The following UNC5B variants were observed in gnomAD, a reference collection of about 807,000 sequenced individuals.
The protein encoded by UNC5B is netrin receptor UNC5B.
Under a neutral mutation model 103.7 loss-of-function variants are expected in UNC5B, and 56 were observed. The ratio of observed to expected loss-of-function variants is 0.54; its 90% confidence interval spans 0.44 to 0.67. The LOEUF (loss-of-function observed/expected upper bound fraction) is 0.67. UNC5B is among the 30% of genes least tolerant of loss of function. The pLI is 0.00. For synonymous variants in UNC5B, 577 were observed against 542.0 expected (o/e 1.06, Z -0.90); for missense variants, 1,194 against 1,284.5 (o/e 0.93, Z 1.08).
At chr10:71,223,778 T>TTTTTTTTTTTTTTTTTTTTGAGAC (rs1843497014) in intron 1 of UNC5B, among the ~76,000 whole-genome samples, 2 of 152,304 alleles carry the variant, frequency 1.3e-5, no homozygotes, top group Non-Finnish European at 2.9e-5. Flanking sequence ...TGCCTTCTTG[T>TTTTTTTTTTTTTTTTTTTTGAGAC]GGCTCAAGAG....
chr10:71,216,306 G>A (rs10823705), intron 1 of UNC5B, among the ~76,000 whole-genome samples: 22,500 of 152,212 alleles, frequency 0.15, 1,818 homozygotes, highest in African/African-American at 0.21. Context: ...AGATAAGATC[G>A]CTTTGATGGC....
chr10:71,225,192 AAAG>A (rs1216372661), intron 1 of UNC5B, among the ~76,000 whole-genome samples: 1 of 152,230 alleles, frequency 6.6e-6, no homozygotes, highest in Non-Finnish European at 1.5e-5. Context: ...AAAAGGAACA[AAAG>A]AAGTTGAATG....
chr10:71,269,075 T>C (rs1844586395), intron 1 of UNC5B, among the ~76,000 whole-genome samples: 1 of 152,128 alleles, frequency 6.6e-6, no homozygotes, highest in Non-Finnish European at 1.5e-5. Flanking sequence ...TGCTTATGAT[T>C]CAAAAGTCCT....
intron 1 of UNC5B, among the ~76,000 whole-genome samples, chr10:71,224,366 C>T (rs982721530): frequency 1.0e-4 from 2 of 19,586 alleles, no homozygotes; most frequent in African/African-American, 3.1e-4. Context: ...TGTATGTAGA[C>T]ACACACACAC....
At chr10:71,264,352 G>A (rs75019869) in intron 1 of UNC5B, among the ~76,000 whole-genome samples, 2,663 of 152,258 alleles carry the variant, frequency 0.017, 63 homozygotes, top group African/African-American at 0.061. Context: ...AGCTCATTGC[G>A]TGTATTAACA....
chr10:71,226,516 T>G (rs188584053), intron 1 of UNC5B, among the ~76,000 whole-genome samples: 6 of 152,390 alleles, frequency 3.9e-5, no homozygotes, highest in African/African-American at 7.2e-5. Context: ...AACTTCACTC[T>G]TGTTAGTCCC....
Position 71,288,699 on chromosome 10 carries a change from T to A in UNC5B, c.1033T>A (p.Ser345Thr). ...TGACTGCAGCGGGACGCTGCTCGACTCTAAGAACTGCACAGATGGGCTGTG... is the reference window on the plus strand; with the variant it reads ...TGACTGCAGCGGGACGCTGCTCGACACTAAGAACTGCACAGATGGGCTGTG... ...GRDCSGTLLD[S>T]KNCTDGLCMQ... Residue 345 changes from serine to threonine, a missense_variant, in exon 7 of 17, where the codon TCT becomes ACT. Coordinates refer to ENST00000335350, the MANE Select transcript of UNC5B (RefSeq NM_170744.5). The A allele has an allele frequency of 6.2e-7, 1 of 1,613,572 alleles. No homozygotes were observed. Among genetic ancestry groups the A allele is most frequent in the African/African-American group, 1.3e-5 (1 of 75,042 alleles).
At chr10:71,239,652 T>C (rs1843852101) in intron 1 of UNC5B, among the ~76,000 whole-genome samples, 1 of 152,068 alleles carries the variant, frequency 6.6e-6, no homozygotes, top group Non-Finnish European at 1.5e-5. Context: ...CCACCCCCAG[T>C]CCTCTGTTCA....
rs150856317 is a variant in UNC5B, at chr10:71,296,966, T to G, written c.2490+224T>G. Among the ~76,000 whole-genome samples the G allele has an allele frequency of 5.3e-3, 742 of 141,276 alleles. 11 individuals carry two copies. The highest frequency in any genetic ancestry group is 7.3e-3 in the Non-Finnish European group (464 of 63,862). 92.7% of individuals were successfully genotyped at this position (141,276 alleles called of 152,430 possible). On this transcript the variant is annotated intron_variant, in intron 15 of 16. Coordinates refer to ENST00000335350, the MANE Select transcript of UNC5B (RefSeq NM_170744.5). ...AGGTGAGGGAAGGGCGGCCAGATAT[T>G]CCGGCTGCACACCACTCTGGTGGAG...
At chr10:71,245,089 A>G (rs914815971) in intron 1 of UNC5B, among the ~76,000 whole-genome samples, 1 of 152,166 alleles carries the variant, frequency 6.6e-6, no homozygotes, top group Admixed American at 6.5e-5. Flanking sequence ...TCTATTCACT[A>G]TTGTCCCCGG....
At position 71,224,364 on chromosome 10, in the gene UNC5B, GACACACACACACACACACAC is replaced by G. The variant is rs58378731; in HGVS notation, c.79+11333_79+11352del. Among the ~76,000 whole-genome samples the G allele has an allele frequency of 2.7e-4, 26 of 97,350 alleles. 1 individual carries two copies. The highest frequency in any genetic ancestry group is 3.8e-4 in the South Asian group (1 of 2,648). The allele number at this position is 97,350 out of a possible 152,430, so 63.9% of individuals were successfully genotyped here. ...CTGGTCCATCCCACTTCTGTATGTA[GACACACACACACACACACAC>G]ACACACACACACACACACACACACA... On this transcript the variant is annotated intron_variant, in intron 1 of 16. Transcript: ENST00000335350.
chr10:71,237,600 C>A (rs1470929933), intron 1 of UNC5B, among the ~76,000 whole-genome samples: 1 of 152,152 alleles, frequency 6.6e-6, no homozygotes, highest in African/African-American at 2.4e-5. Flanking sequence ...AGCTGGCAAT[C>A]CTGAGTGCAT....
At chr10:71,228,075 C>CATAA (rs1210116119) in intron 1 of UNC5B, among the ~76,000 whole-genome samples, 1 of 152,160 alleles carries the variant, frequency 6.6e-6, no homozygotes, top group Non-Finnish European at 1.5e-5. Context: ...AAATACAGTA[C>CATAA]ATAACAAAGG....
At chr10:71,291,369 A>G (rs1589199024) in intron 9 of UNC5B, 63 bp from the exon 10 acceptor site, 2 of 1,524,282 alleles carry the variant, frequency 1.3e-6, no homozygotes. Context: ...GGGATTTTGC[A>G]GTGGGAGCTG....
intron 1 of UNC5B, among the ~76,000 whole-genome samples, chr10:71,275,995 T>C (rs1589186168): frequency 1.3e-5 from 2 of 152,308 alleles, no homozygotes; most frequent in Non-Finnish European, 2.9e-5. Context: ...TGAGAAGTTG[T>C]GCAGTGCCCG....
chr10:71,292,367 AG>A, intron 10 of UNC5B, 99 bp from the exon 11 acceptor site: 1 of 1,028,162 alleles, frequency 9.7e-7, no homozygotes, highest in South Asian at 1.5e-5. Context: ...CCTGGAGCTC[AG>A]GAGATATCTT....
chr10:71,289,128 A>G, intron 8 of UNC5B, 138 bp downstream of exon 8: 1 of 1,134,950 alleles, frequency 8.8e-7, no homozygotes, highest in Non-Finnish European at 1.3e-6. Flanking sequence ...TCTACACCTG[A>G]CACTGCATGT....
At chr10:71,230,416 G>A (rs530826951) in intron 1 of UNC5B, among the ~76,000 whole-genome samples, 1 of 152,342 alleles carries the variant, frequency 6.6e-6, no homozygotes, top group East Asian at 1.9e-4. Flanking sequence ...CACAAACGTG[G>A]ACATCAGACT....
chr10:71,274,537 G>A lies in UNC5B; in HGVS notation c.80-5284G>A, dbSNP rs1844722580. 3.3e-5 allele frequency among the ~76,000 whole-genome samples: 5 copies of A among 152,194 alleles called. No homozygotes were observed. The South Asian group carries it at 1.0e-3, about 32-fold the overall frequency. On this transcript the variant is annotated intron_variant, in intron 1 of 16. Transcript: ENST00000335350. ...ACAGGTATGTGAGTCAAGGTTGGCTGAGGAGTTGATGGGAGACGTTGGATG... is the reference window on the plus strand; with the variant it reads ...ACAGGTATGTGAGTCAAGGTTGGCTAAGGAGTTGATGGGAGACGTTGGATG...
Sources: gnomAD v4.1 joint callset for allele counts (sites outside exome capture counted in the v4.1 genomes callset) on GRCh38, gnomAD v4.1.1 for gene constraint, MANE v1.5 for transcripts, NCBI Gene and HGNC (gene_info 2026-07-23, HGNC 2026-07-21) for gene names.